ATP4A: variants seen among roughly 807,000 people sequenced by gnomAD.
The protein encoded by ATP4A is potassium-transporting ATPase alpha chain 1.
In ATP4A, 73 loss-of-function variants were observed where a neutral mutation model predicts 112.1. The observed-to-expected ratio is 0.65, with a 90% CI of 0.54 to 0.79. The LOEUF (loss-of-function observed/expected upper bound fraction) is 0.79, where lower values mean the gene tolerates loss of function less well. Ranked by LOEUF, ATP4A falls within the 30% of genes least tolerant of loss-of-function variation. The pLI, the probability that ATP4A is intolerant of heterozygous loss-of-function variation, is 0.00. For missense variants in ATP4A, 1,081 were observed against 1,425.9 expected, an observed-to-expected ratio of 0.76 and a Z score of 3.90; for synonymous variants, 588 against 588.9, an observed-to-expected ratio of 1.00 and a Z score of 0.02.
Position 35,555,185 on chromosome 19 carries a change from A to G in ATP4A, c.2307T>C (p.Ile769=). ...TCGGACCCTGCTCCACGCCTGTCAC[A>G]ATGGAGGCAAAGTTGTCATCCAGCA... The part of the protein sequence containing the change: ...MILLDDNFAS[I]VTGVEQGRLI... Residue 769 remains isoleucine (I), a synonymous_variant, in exon 15 of 22, where the codon ATT becomes ATC. Coordinates refer to ENST00000262623, the MANE Select transcript of ATP4A (RefSeq NM_000704.3). This position sits in a 1 kb window ranked among gnomAD's most constrained non-coding sequence, Gnocchi z 6.6. 6.2e-7 allele frequency: 1 copy of G among 1,614,050 alleles called. No homozygotes were observed. Among genetic ancestry groups the G allele is most frequent in the South Asian group, 1.1e-5 (1 of 91,080 alleles).
chr19:35,550,735 G>A lies in ATP4A; in HGVS notation c.3080-92C>T, dbSNP rs2071596568. The A allele has an allele frequency of 1.9e-6, 3 of 1,608,012 alleles. No individual in the cohort carries two copies. The highest frequency in any genetic ancestry group is 3.3e-5 in the Admixed American group (2 of 59,982). On this transcript the variant is annotated intron_variant, in intron 21 of 21. Coordinates refer to ENST00000262623, the MANE Select transcript of ATP4A (RefSeq NM_000704.3). The surrounding 1 kb of genome is among the most constrained non-coding windows in gnomAD (Gnocchi z 4.1). ...GAGGTCAGTGCTGGTTGCTATGGAG[G>A]GTCAAGGGCTTAGAGGCCAAGTGTT... is the stretch of plus-strand genomic sequence containing the variant.
At chr19:35,554,843 G>C (rs911989259) in intron 16 of ATP4A, 79 bp downstream of exon 16, 4 of 1,572,890 alleles carry the variant, frequency 2.5e-6, no homozygotes, top group Admixed American at 1.7e-5. Flanking sequence ...TGTCTGTGGT[G>C]GTCTCTGTCC....
Position 35,553,775 on chromosome 19 carries a change from G to A in ATP4A, c.2536C>T (p.Arg846Cys), listed in dbSNP as rs754600682. ...CTGTCACGCTTTGGGTTGCGTGGAC[G>A]CAGGTGCATGATGTCACTCTCGGCC... is the stretch of plus-strand genomic sequence containing the variant. The part of the protein sequence containing the change: ...EKAESDIMHL[R>C]PRNPKRDRLV... The change falls in exon 17 of 22, where the codon CGT becomes TGT. Residue 846 changes from arginine to cysteine, a missense_variant. Arg to Cys is a radical substitution (Grantham distance 180). Transcript: ENST00000262623. 15 of 1,609,390 alleles carry A rather than the reference G, an allele frequency of 9.3e-6. No homozygotes were observed. Among genetic ancestry groups the A allele is most frequent in the Admixed American group, 1.7e-5 (1 of 59,166 alleles).
At position 35,555,579 on chromosome 19, in the gene ATP4A, G is replaced by C; in HGVS notation, c.2018C>G (p.Ala673Gly). 6.3e-7 allele frequency: 1 copy of C among 1,581,878 alleles called. No homozygotes were observed. Among genetic ancestry groups the C allele is most frequent in the Non-Finnish European group, 8.6e-7 (1 of 1,158,226 alleles). ...CAGCTGCATGCCATTGATCACACAG[G>C]CACGGGCATCCCTGGGGAGGAGATG... ...VDQVNRKDAR[A>G]CVINGMQLKD... The change falls in exon 14 of 22, where the codon GCC becomes GGC. Residue 673 changes from alanine to glycine, a missense_variant. This residue lies in a region of ATP4A where 850 missense variants were observed against 1,068.2 expected (regional missense o/e 0.80). Coordinates refer to ENST00000262623, the MANE Select transcript of ATP4A (RefSeq NM_000704.3). This position sits in a 1 kb window ranked among gnomAD's most constrained non-coding sequence, Gnocchi z 6.6.
At position 35,551,633 on chromosome 19, in the gene ATP4A, G is replaced by A. The variant is rs1477753041; in HGVS notation, c.2752-53C>T. 1 of 1,579,876 alleles carries A rather than the reference G, an allele frequency of 6.3e-7. No individual in the cohort carries two copies. The highest frequency in any genetic ancestry group is 8.6e-7 in the Non-Finnish European group (1 of 1,162,900). On this transcript the variant is annotated intron_variant, in intron 18 of 21. Transcript: ENST00000262623. The surrounding 1 kb of genome is among the most constrained non-coding windows in gnomAD (Gnocchi z 5.2). Reference sequence around the variant, plus strand: ...CCTGAGTCCAGCCTGAGTCCCGGCGGAGAGCCTCTGCAGCCCACCGGGCAT... The same window carrying A: ...CCTGAGTCCAGCCTGAGTCCCGGCGAAGAGCCTCTGCAGCCCACCGGGCAT...
chr19:35,558,175 G>T lies in ATP4A; in HGVS notation c.1500+187C>A. 1.3e-6 allele frequency: 1 copy of T among 789,030 alleles called. No homozygotes were observed. Among genetic ancestry groups the T allele is most frequent in the Non-Finnish European group, 2.0e-6 (1 of 509,136 alleles). 48.9% of individuals were successfully genotyped at this position (789,030 alleles called of 1,614,324 possible). On this transcript the variant is annotated intron_variant, in intron 10 of 21. Coordinates refer to ENST00000262623, the MANE Select transcript of ATP4A (RefSeq NM_000704.3). This position sits in a 1 kb window ranked among gnomAD's most constrained non-coding sequence, Gnocchi z 5.1. The stretch of plus-strand genomic sequence containing the variant: ...CCGCCGAGGAGAAGCTGTGGGCGGG[G>T]CTGGGTGGTGGGCGGGGCCTTGCCT...
intron 4 of ATP4A, 80 bp downstream of exon 4, chr19:35,562,355 C>T: frequency 6.6e-7 from 1 of 1,506,248 alleles, no homozygotes; most frequent in Non-Finnish European, 9.0e-7. Flanking sequence ...TTCTCTGCCC[C>T]TCTTGTCCCA....
Position 35,559,768 on chromosome 19 carries a change from C to G in ATP4A, c.1056+37G>C, listed in dbSNP as rs763989050. On this transcript the variant is annotated intron_variant, in intron 7 of 21. Transcript: ENST00000262623. This position sits in a 1 kb window ranked among gnomAD's most constrained non-coding sequence, Gnocchi z 4.1. The stretch of plus-strand genomic sequence containing the variant: ...GGAAAGAACAGATGGTTGAGCAGGC[C>G]CCTCAGCTCCCTGCATCCCCGCCTG... 8.1e-6 allele frequency: 13 copies of G among 1,603,362 alleles called. No individual in the cohort carries two copies. The highest frequency in any genetic ancestry group is 1.7e-5 in the Admixed American group (1 of 59,162).
rs775663460 is a variant in ATP4A, at chr19:35,558,970, C to T, written c.1255+23G>A. On this transcript the variant is annotated intron_variant, in intron 8 of 21. Transcript: ENST00000262623. This position sits in a 1 kb window ranked among gnomAD's most constrained non-coding sequence, Gnocchi z 5.1. ...CCATCCACCAGATCCTGCCCTGGCG[C>T]CTGTGCCCTCCCTCCCCCACACCTG... 1.4e-5 allele frequency: 22 copies of T among 1,613,302 alleles called. No individual in the cohort carries two copies. Among genetic ancestry groups the T allele is most frequent in the African/African-American group, 2.7e-5 (2 of 74,904 alleles).
In ATP4A at chr19:35,560,789, T is replaced by A; in HGVS notation, c.534+30A>T. The stretch of plus-strand genomic sequence containing the variant: ...CAGGAGCAGTTTGGAGTCTCTGGGA[T>A]CTGGAGTGGCTGGGTGCTGGGGAAC... On this transcript the variant is annotated intron_variant, in intron 5 of 21. Transcript: ENST00000262623. This position sits in a 1 kb window ranked among gnomAD's most constrained non-coding sequence, Gnocchi z 5.1. 1 of 1,607,080 alleles carries A rather than the reference T, an allele frequency of 6.2e-7. No homozygotes were observed.
Position 35,562,521 on chromosome 19 carries a change from G to A in ATP4A, c.334C>T (p.Gln112Ter), listed in dbSNP as rs1407753737. 1 of 1,614,022 alleles carries A rather than the reference G, an allele frequency of 6.2e-7. No individual in the cohort carries two copies. Among genetic ancestry groups the A allele is most frequent in the Admixed American group, 1.7e-5 (1 of 60,016 alleles). The change falls in exon 4 of 22, where the codon CAG (glutamine) becomes TAG (stop). Residue 112 changes from glutamine (Q) to a stop codon, truncating the protein, a stop_gained. Coordinates refer to ENST00000262623, the MANE Select transcript of ATP4A (RefSeq NM_000704.3). LOFTEE classifies it high-confidence loss of function. ...GCGGCGGCAACCCACATGAGGCACT[G>A]CAGGCCCCCGGCCAGCTGCCTCGCG... ...KFARQLAGGL[Q>*]CLMWVAAAIC...
chr19:35,553,733 G>A lies in ATP4A; in HGVS notation c.2578C>T (p.Leu860=). 2 of 1,613,694 alleles carry A rather than the reference G, an allele frequency of 1.2e-6. No individual in the cohort carries two copies. The highest frequency in any genetic ancestry group is 1.7e-6 in the Non-Finnish European group (2 of 1,179,876). The change falls in exon 17 of 22, where the codon CTG becomes TTG. Residue 860 remains leucine (L), a synonymous_variant. Transcript: ENST00000262623. The part of the protein sequence containing the change: ...PKRDRLVNEP[L]AAYSYFQIGA... ...ATCTGGAAGTAGGAGTAGGCAGCCAGGGGCTCGTTGACCAATCTGTCACGC... is the reference window on the plus strand; with the variant it reads ...ATCTGGAAGTAGGAGTAGGCAGCCAAGGGCTCGTTGACCAATCTGTCACGC...
rs368752332 is a variant in ATP4A, at chr19:35,563,377, A to G, written c.156+7T>C. On this transcript the variant is annotated splice_region_variant and intron_variant, in intron 2 of 21. Coordinates refer to ENST00000262623, the MANE Select transcript of ATP4A (RefSeq NM_000704.3). Reference sequence around the variant, plus strand: ...CCAGCTCCCGCCCCTCCCCAGTCAGAGCTCACAATCTCCATCTCCTTCTTC... The same window carrying G: ...CCAGCTCCCGCCCCTCCCCAGTCAGGGCTCACAATCTCCATCTCCTTCTTC... The G allele has an allele frequency of 1.3e-4, 213 of 1,610,576 alleles. No homozygotes were observed. Among genetic ancestry groups the G allele is most frequent in the Non-Finnish European group, 1.7e-4 (199 of 1,178,928 alleles).
rs1210477902 is a variant in ATP4A, at chr19:35,551,117, G to T, written c.2886-6C>A. On this transcript the variant is annotated splice_region_variant and splice_polypyrimidine_tract_variant and intron_variant, in intron 19 of 21. Coordinates refer to ENST00000262623, the MANE Select transcript of ATP4A (RefSeq NM_000704.3). This position sits in a 1 kb window ranked among gnomAD's most constrained non-coding sequence, Gnocchi z 5.2. ...CGATCACCAGGATCTTATTCCTGGG[G>T]GTGGGCAGAATGGGACAGGCCATTA... 3 of 1,601,818 alleles carry T rather than the reference G, an allele frequency of 1.9e-6. No individual in the cohort carries two copies. Among genetic ancestry groups the T allele is most frequent in the East Asian group, 2.3e-5 (1 of 44,178 alleles).
chr19:35,555,274 C>T lies in ATP4A; in HGVS notation c.2218G>A (p.Asp740Asn). The change falls in exon 15 of 22, where the codon GAC (aspartate) becomes AAC (asparagine). Residue 740 changes from aspartate (D) to asparagine (N), a missense_variant. Transcript: ENST00000262623. This position sits in a 1 kb window ranked among gnomAD's most constrained non-coding sequence, Gnocchi z 6.6. ...GCGATGCCCATGGCTACTCCGATGT[C>T]TGCCTTCTTCAGAGCTGGGGAGTCA... ...VNDSPALKKA[D>N]IGVAMGIAGS... 6.2e-7 allele frequency: 1 copy of T among 1,614,228 alleles called. No individual in the cohort carries two copies. Among genetic ancestry groups the T allele is most frequent in the Non-Finnish European group, 8.5e-7 (1 of 1,180,040 alleles).
rs999794774 is a variant in ATP4A at position 35,557,952 on chromosome 19, G to T, written c.1501-105C>A. ...GGAGAGGGGCGGGGCCGAGAGCTCG[G>T]TGCGGGCTCTGAGAGCTGCGGGGAA... On this transcript the variant is annotated intron_variant, in intron 10 of 21. Coordinates refer to ENST00000262623, the MANE Select transcript of ATP4A (RefSeq NM_000704.3). This position sits in a 1 kb window ranked among gnomAD's most constrained non-coding sequence, Gnocchi z 4.4. 10 of 943,494 alleles carry T rather than the reference G, an allele frequency of 1.1e-5. No individual in the cohort carries two copies. The highest frequency in any genetic ancestry group is 3.0e-5 in the Admixed American group (1 of 33,070). 58.4% of individuals were successfully genotyped at this position (943,494 alleles called of 1,614,324 possible).
At chr19:35,554,039 A>T (rs545787647) in intron 16 of ATP4A, among the ~76,000 whole-genome samples, 1 of 152,114 alleles carries the variant, frequency 6.6e-6, no homozygotes, top group Non-Finnish European at 1.5e-5. Flanking sequence ...TCGTAAGAAC[A>T]TCTGCTTTTA....
chr19:35,560,901 A>G lies in ATP4A; in HGVS notation c.452T>C (p.Val151Ala). ...LYLAIALIAVVVVTGCFGYYQ... is the reference protein window; with the variant it reads ...LYLAIALIAVAVVTGCFGYYQ... Reference sequence around the variant, plus strand: ...GTAGCCAAAGCAGCCGGTGACGACAACCACAGCAATGAGAGCGATTGCCAG... The same window carrying G: ...GTAGCCAAAGCAGCCGGTGACGACAGCCACAGCAATGAGAGCGATTGCCAG... The change falls in exon 5 of 22, where the codon GTT becomes GCT. Residue 151 changes from valine to alanine, a missense_variant. By Grantham distance (64) the Val-to-Ala change is moderately conservative. Transcript: ENST00000262623. The surrounding 1 kb of genome is among the most constrained non-coding windows in gnomAD (Gnocchi z 5.1). 1 of 1,614,010 alleles carries G rather than the reference A, an allele frequency of 6.2e-7. No individual in the cohort carries two copies. Among genetic ancestry groups the G allele is most frequent in the South Asian group, 1.1e-5 (1 of 91,076 alleles).
Position 35,560,921 on chromosome 19 carries a change from T to G in ATP4A, c.432A>C (p.Ala144=), listed in dbSNP as rs1369175372. Residue 144 remains alanine (A), a synonymous_variant, in exon 5 of 22, where the codon GCA becomes GCC. Transcript: ENST00000262623. The surrounding 1 kb of genome is among the most constrained non-coding windows in gnomAD (Gnocchi z 5.1). ...DLTTDDNLYL[A]IALIAVVVVT... ...CGACAACCACAGCAATGAGAGCGAT[T>G]GCCAGGTACAGCTGGGGACAGGGAA... 6.2e-7 allele frequency: 1 copy of G among 1,613,670 alleles called. No homozygotes were observed. Among genetic ancestry groups the G allele is most frequent in the South Asian group, 1.1e-5 (1 of 91,066 alleles).
Sources: allele counts gnomAD v4.1 joint callset (sites outside exome capture counted in the v4.1 genomes callset), GRCh38; gene constraint gnomAD v4.1.1; regional missense constraint gnomAD v4.1.1; non-coding constraint Gnocchi (gnomAD v3.1); transcripts MANE v1.5; gene names NCBI Gene and HGNC (gene_info 2026-07-23, HGNC 2026-07-21).